NFATC2: variants seen among roughly 807,000 people sequenced by gnomAD.
NFATC2 encodes nuclear factor of activated T-cells, cytoplasmic 2.
In NFATC2, 22 loss-of-function variants were observed where a neutral mutation model predicts 87.3. The ratio of observed to expected loss-of-function variants is 0.25; its 90% CI spans 0.18 to 0.36. The LOEUF (loss-of-function observed/expected upper bound fraction) is 0.36. Among genes scored for constraint, NFATC2 ranks in the 10% least tolerant of loss-of-function variants. The pLI is 1.00. For missense variants in NFATC2, 1,149 were observed against 1,259.1 expected (o/e 0.91, Z 1.32); for synonymous variants, 565 against 542.2 (o/e 1.04, Z -0.58).
At position 51,398,723 on chromosome 20, in the gene NFATC2, T is replaced by C; in HGVS notation, c.2730A>G (p.Ile910Met). Residue 910 changes from isoleucine (I) to methionine (M), a missense_variant, in exon 10 of 11, where the codon ATA becomes ATG. Transcript: ENST00000371564. ...LDQTYLDDEL[I>M]DTHLSWIQNI... ...TTTGTATCCAGCTAAGGTGTGTGTC[T>C]ATCAGCTCTGAAAAAGATTTGCAAA... The C allele has an allele frequency of 3.1e-6, 5 of 1,610,680 alleles. No individual in the cohort carries two copies. The highest frequency in any genetic ancestry group is 4.2e-6 in the Non-Finnish European group (5 of 1,177,566).
chr20:51,461,973 G>A (rs907064192), intron 5 of NFATC2, among the ~76,000 whole-genome samples: 1 of 151,806 alleles, frequency 6.6e-6, no homozygotes, highest in Non-Finnish European at 1.5e-5. Flanking sequence ...AAAAAAGTTA[G>A]CTGGGCGTGG....
chr20:51,431,531 C>T (rs534052021), intron 9 of NFATC2, among the ~76,000 whole-genome samples: 4 of 152,322 alleles, frequency 2.6e-5, no homozygotes, highest in East Asian at 3.9e-4. Context: ...CTCTGTTCCA[C>T]GAGCACAGGG....
intron 3 of NFATC2, among the ~76,000 whole-genome samples, chr20:51,507,424 G>A (rs547469628): frequency 3.3e-5 from 5 of 152,298 alleles, no homozygotes; most frequent in African/African-American, 7.2e-5. Flanking sequence ...GCTGGAACAG[G>A]CTCAGGAATC....
intron 10 of NFATC2, among the ~76,000 whole-genome samples, chr20:51,397,980 GTCT>G (rs1280177632): frequency 4.6e-5 from 7 of 152,158 alleles, no homozygotes; most frequent in Non-Finnish European, 7.3e-5. Flanking sequence ...GCACGATAAG[GTCT>G]TCTTAGCGGC....
At chr20:51,464,683 G>A (rs574879026) in intron 5 of NFATC2, among the ~76,000 whole-genome samples, 22 of 152,240 alleles carry the variant, frequency 1.4e-4, no homozygotes, top group Non-Finnish European at 2.5e-4. Context: ...GATGAGGAGT[G>A]GGGTGGGCAG....
At chr20:51,395,759 G>A (rs925392476) in intron 10 of NFATC2, among the ~76,000 whole-genome samples, 5 of 151,878 alleles carry the variant, frequency 3.3e-5, no homozygotes, top group Non-Finnish European at 7.4e-5. Context: ...TATATAAAGA[G>A]GTGTTTCAAC....
intron 10 of NFATC2, among the ~76,000 whole-genome samples, chr20:51,391,975 C>A (rs1029772352): frequency 1.3e-5 from 2 of 152,166 alleles, no homozygotes; most frequent in African/African-American, 4.8e-5. Flanking sequence ...TTTTTCAAAT[C>A]TTTGTGGCAG....
intron 9 of NFATC2, among the ~76,000 whole-genome samples, chr20:51,410,903 A>T (rs963449823): frequency 2.0e-5 from 3 of 152,106 alleles, no homozygotes; most frequent in Non-Finnish European, 4.4e-5. Context: ...ACTAGACTGT[A>T]TGAACCACAG....
intron 3 of NFATC2, among the ~76,000 whole-genome samples, chr20:51,479,191 A>G (rs1255235509): frequency 6.6e-6 from 1 of 152,166 alleles, no homozygotes; most frequent in African/African-American, 2.4e-5. Flanking sequence ...TTAACATCTG[A>G]AATTTCCTTG....
At chr20:51,488,001 G>A (rs1989862923) in intron 3 of NFATC2, among the ~76,000 whole-genome samples, 1 of 152,128 alleles carries the variant, frequency 6.6e-6, no homozygotes, top group Non-Finnish European at 1.5e-5. Context: ...GGACCCACTG[G>A]CAGATCAACA....
intron 3 of NFATC2, among the ~76,000 whole-genome samples, chr20:51,497,479 C>G (rs1370775661): frequency 6.6e-6 from 1 of 152,156 alleles, no homozygotes; most frequent in Non-Finnish European, 1.5e-5. Flanking sequence ...CTGCATTTTT[C>G]ACCCCAATAT....
chr20:51,487,636 G>C (rs759507501), intron 3 of NFATC2, among the ~76,000 whole-genome samples: 46 of 152,270 alleles, frequency 3.0e-4, no homozygotes, highest in Non-Finnish European at 5.3e-4. Flanking sequence ...ACCCCAAGAT[G>C]GTGAAGAGGC....
chr20:51,420,469 G>A (rs1727198437), intron 9 of NFATC2, among the ~76,000 whole-genome samples: 1 of 152,184 alleles, frequency 6.6e-6, no homozygotes, highest in African/African-American at 2.4e-5. Flanking sequence ...TCATCATGGA[G>A]ATATAACTGG....
intron 3 of NFATC2, among the ~76,000 whole-genome samples, chr20:51,478,096 G>A (rs1219451205): frequency 6.6e-6 from 1 of 152,116 alleles, no homozygotes; most frequent in Non-Finnish European, 1.5e-5. Flanking sequence ...GGCTGGGAGT[G>A]GAACTGTGCT....
At chr20:51,483,445 C>T (rs890238557) in intron 3 of NFATC2, among the ~76,000 whole-genome samples, 8 of 152,048 alleles carry the variant, frequency 5.3e-5, no homozygotes, top group Non-Finnish European at 1.0e-4. Context: ...GGGAGAAGGC[C>T]GAGCGGGAGG....
chr20:51,392,255 CAT>C (rs2146198358), intron 10 of NFATC2, among the ~76,000 whole-genome samples: 1 of 152,018 alleles, frequency 6.6e-6, no homozygotes, highest in East Asian at 1.9e-4. Context: ...TCAACATAAA[CAT>C]AGTTTCCATT....
chr20:51,398,140 A>G (rs1036299790), intron 10 of NFATC2, among the ~76,000 whole-genome samples: 1 of 142,830 alleles, frequency 7.0e-6, no homozygotes, highest in African/African-American at 2.7e-5. Flanking sequence ...ACAACAAGGA[A>G]GCCCCCCGGG....
intron 1 of NFATC2, among the ~76,000 whole-genome samples, chr20:51,553,153 T>C (rs572344374): frequency 3.7e-4 from 56 of 151,670 alleles, no homozygotes; most frequent in African/African-American, 1.3e-3. Flanking sequence ...TGGAGGTGAG[T>C]AGAGGCTGTT....
At chr20:51,557,353 G>A (rs558559515) in intron 1 of NFATC2, among the ~76,000 whole-genome samples, 3 of 152,276 alleles carry the variant, frequency 2.0e-5, no homozygotes, top group African/African-American at 4.8e-5. Flanking sequence ...CTAGGGCTGC[G>A]ACCCTGGTGA....
Sources: gnomAD v4.1 joint callset for allele counts (sites outside exome capture counted in the v4.1 genomes callset) on GRCh38, gnomAD v4.1.1 for gene constraint, MANE v1.5 for transcripts, NCBI Gene and HGNC (gene_info 2026-07-23, HGNC 2026-07-21) for gene names.